The following NCL variants were observed in gnomAD, a reference collection of about 807,000 sequenced individuals.
NCL encodes nucleolin multifunctional protein.
Under a neutral mutation model 77.7 loss-of-function variants are expected in NCL, and 4 were observed. The ratio of observed to expected loss-of-function variants is 0.05; its 90% CI spans 0.03 to 0.12. The LOEUF is 0.12. NCL is among the 10% of genes least tolerant of loss of function. The probability of loss-of-function intolerance (pLI) is 1.00; values close to 1 mark genes in which losing one functional copy is unlikely to be tolerated. For missense variants in NCL, 763 were observed against 860.9 expected (o/e 0.89, Z 1.42); for synonymous variants, 344 against 297.8 (o/e 1.16, Z -1.60).
intron 2 of NCL, 46 bp downstream of exon 2, chr2:231,463,154 A>G (rs751607891): frequency 2.8e-5 from 38 of 1,376,052 alleles, no homozygotes; most frequent in Non-Finnish European, 3.9e-5. Context: ...TTAACTCTCC[A>G]TTTTGTAGTT....
chr2:231,457,672 T>C lies in NCL; in HGVS notation c.1418A>G (p.Tyr473Cys), dbSNP rs1200659784. The change falls in exon 9 of 14, where the codon TAT (tyrosine) becomes TGT (cysteine). Residue 473 changes from tyrosine (Y) to cysteine (C), a missense_variant. Coordinates refer to ENST00000322723, the MANE Select transcript of NCL (RefSeq NM_005381.3). ...YTGEKGQNQD[Y>C]RGGKNSTWSG... is the part of the protein sequence containing the mutation. ...CCAAGTGCTATTCTTTCCACCTCTA[T>C]AGTCTTGATTTTGACCTTTCTCTCC... 1.9e-6 allele frequency: 3 copies of C among 1,610,838 alleles called. No homozygotes were observed. Among genetic ancestry groups the C allele is most frequent in the Non-Finnish European group, 2.5e-6 (3 of 1,178,204 alleles).
intron 10 of NCL, 30 bp downstream of exon 10, chr2:231,456,971 A>G (rs747982139): frequency 3.7e-6 from 6 of 1,612,432 alleles, no homozygotes; most frequent in South Asian, 1.1e-5. Context: ...TATATAGCCT[A>G]TAACTGATGA....
chr2:231,460,077 A>G, intron 6 of NCL, 75 bp downstream of exon 6: 22 of 1,461,204 alleles, frequency 1.5e-5, no homozygotes, highest in East Asian at 2.3e-5. Context: ...GTAGCAGGCT[A>G]AAGTAACTGT....
intron 7 of NCL, 187 bp downstream of exon 7, chr2:231,458,814 C>T (rs546357414): frequency 5.0e-6 from 3 of 596,612 alleles, no homozygotes; most frequent in East Asian, 6.9e-5. Context: ...TACACTATAA[C>T]ACTGACAAGC....
intron 3 of NCL, 48 bp from the exon 4 acceptor site, chr2:231,460,914 A>C: frequency 6.5e-6 from 9 of 1,390,246 alleles, no homozygotes; most frequent in South Asian, 2.3e-5. Flanking sequence ...CAAAACCAAC[A>C]TCGGTTTTCA....
chr2:231,458,451 CAA>C (rs1207627556), intron 7 of NCL, 62 bp from the exon 8 acceptor site: 56 of 1,572,368 alleles, frequency 3.6e-5, no homozygotes, highest in Middle Eastern at 3.4e-4. Flanking sequence ...GGGGCAACAA[CAA>C]AAAGAGGGGA....
rs781232208 is a variant in NCL, at chr2:231,458,323, T to C, written c.1232A>G (p.Glu411Gly). The C allele has an allele frequency of 1.2e-6, 2 of 1,614,120 alleles. No individual in the cohort carries two copies. Among genetic ancestry groups the C allele is most frequent in the Non-Finnish European group, 8.5e-7 (1 of 1,179,980 alleles). Residue 411 changes from glutamate (E) to glycine (G), a missense_variant, in exon 8 of 14, where the codon GAA (glutamate) becomes GGA (glycine). Transcript: ENST00000322723. ...GATCTCCGCAGCATCTTCAAACACT[T>C]CTTTCAATTCATCCTGAGTGACTTT... ...PYKVTQDELK[E>G]VFEDAAEIRL...
chr2:231,456,982 T>A lies in NCL; in HGVS notation c.1571+19A>T. The stretch of plus-strand genomic sequence containing the variant: ...GACATATATAGCCTATAACTGATGA[T>A]ACAAAGGTATTATCTTACCCTTTAG... On this transcript the variant is annotated intron_variant, in intron 10 of 13. Transcript: ENST00000322723. 6.2e-7 allele frequency: 1 copy of A among 1,613,446 alleles called. No individual in the cohort carries two copies.
chr2:231,460,527 T>C lies in NCL; in HGVS notation c.849A>G (p.Glu283=). 6.2e-7 allele frequency: 1 copy of C among 1,614,232 alleles called. No individual in the cohort carries two copies. Among genetic ancestry groups the C allele is most frequent in the Admixed American group, 1.7e-5 (1 of 60,020 alleles). The change falls in exon 5 of 14, where the codon GAA becomes GAG. Residue 283 remains glutamate, a synonymous_variant. Transcript: ENST00000322723. The part of the protein sequence containing the change: ...VKEAPGKRKK[E]MAKQKAAPEA... ...CAGGAGCTGCTTTCTGTTTGGCCAT[T>C]TCCTTCTTTCGTTTTCCAGGTGCTT... is the stretch of plus-strand genomic sequence containing the variant.
chr2:231,460,691 CTCCTCATCA>C lies in NCL; in HGVS notation c.780_788del (p.Asp260_Glu262del), dbSNP rs2046939511. On this transcript the variant is annotated inframe_deletion, in exon 4 of 14. Transcript: ENST00000322723. Reference sequence around the variant, plus strand: ...TACCTTCCTCCTCCTCTTCTTCCTCCTCCTCATCATCTTCATCATCATCATCTTCATCAT... The same window carrying C: ...TACCTTCCTCCTCCTCTTCTTCCTCCTCTTCATCATCATCATCTTCATCAT... 1 of 1,611,918 alleles carries C rather than the reference CTCCTCATCA, an allele frequency of 6.2e-7. No homozygotes were observed. The highest frequency in any genetic ancestry group is 8.5e-7 in the Non-Finnish European group (1 of 1,178,762).
chr2:231,457,826 G>A (rs1255035356), intron 8 of NCL, 26 bp from the exon 9 acceptor site: 1 of 1,573,588 alleles, frequency 6.4e-7, no homozygotes, highest in Non-Finnish European at 8.6e-7. Context: ...AAGAACTCAT[G>A]GTTTTTAAAA....
chr2:231,458,416 C>T, intron 7 of NCL, 27 bp from the exon 8 acceptor site: 1 of 1,606,218 alleles, frequency 6.2e-7, no homozygotes, highest in Non-Finnish European at 8.5e-7. Flanking sequence ...AAAATGAGCT[C>T]TGTGGCCTGA....
rs922229869 is a variant in NCL at position 231,462,687 on chromosome 2, C to T, written c.135+513G>A. 5 of 413,316 alleles carry T rather than the reference C, an allele frequency of 1.2e-5. No individual in the cohort carries two copies. In the East Asian group the frequency reaches 2.8e-4, roughly 23 times the overall value. The allele number at this position is 413,316 out of a possible 1,614,324, so 25.6% of individuals were successfully genotyped here. On this transcript the variant is annotated intron_variant, in intron 2 of 13. Coordinates refer to ENST00000322723, the MANE Select transcript of NCL (RefSeq NM_005381.3). Reference sequence around the variant, plus strand: ...AGTGCTCAGCTGTCTTTATAGTGAGCAAATAAAAGGCCAGGAGTGCTAAAG... The same window carrying T: ...AGTGCTCAGCTGTCTTTATAGTGAGTAAATAAAAGGCCAGGAGTGCTAAAG...
chr2:231,460,325 G>C, intron 5 of NCL, 32 bp from the exon 6 acceptor site: 1 of 1,614,090 alleles, frequency 6.2e-7, no homozygotes, highest in Non-Finnish European at 8.5e-7. Flanking sequence ...CAGTCTACTT[G>C]TAGTGTGGTA....
At position 231,464,428 on chromosome 2, in the gene NCL, G is replaced by C; in HGVS notation, c.-75C>G. 1 of 1,554,096 alleles carries C rather than the reference G, an allele frequency of 6.4e-7. No homozygotes were observed. The highest frequency in any genetic ancestry group is 1.2e-5 in the South Asian group (1 of 85,280). On this transcript the variant is annotated 5_prime_UTR_variant, in exon 1 of 14. Coordinates refer to ENST00000322723, the MANE Select transcript of NCL (RefSeq NM_005381.3). ...AAGCCAAGCGACGGCGATGGCGGCC[G>C]CGGGTGCTGAAGATCCCGGAGCACG...
chr2:231,462,620 A>C lies in NCL; in HGVS notation c.135+580T>G, dbSNP rs368068826. 177 of 497,290 alleles carry C rather than the reference A, an allele frequency of 3.6e-4. 1 individual carries two copies. Among genetic ancestry groups the C allele is most frequent in the African/African-American group, 3.0e-3 (157 of 51,774 alleles). The allele number at this position is 497,290 out of a possible 1,614,324, so 30.8% of individuals were successfully genotyped here. A position where few individuals can be genotyped will look rare whatever the true frequency, so the allele number is the denominator to read the frequency against. On this transcript the variant is annotated intron_variant, in intron 2 of 13. Transcript: ENST00000322723. ...TTATCAGGCAATGTGTGGAAGAGTA[A>C]AACTTTCATTCAGTTCTCAACGAGA...
intron 2 of NCL, chr2:231,462,496 G>T (rs1390056677): frequency 4.1e-6 from 2 of 491,954 alleles, no homozygotes; most frequent in Admixed American, 2.1e-5. Context: ...AAATGAATAG[G>T]CTAAATATAA....
At position 231,457,901 on chromosome 2, in the gene NCL, A is replaced by G. The variant is rs370301154; in HGVS notation, c.1290-101T>C. 2.9e-4 allele frequency: 315 copies of G among 1,092,928 alleles called. 6 individuals are homozygous for G. The East Asian group carries it at 5.2e-3, about 18-fold the overall frequency. The allele number at this position is 1,092,928 out of a possible 1,614,324, so 67.7% of individuals were successfully genotyped here. Reference sequence around the variant, plus strand: ...CTTGCTTCAGATCTGAGTACAATAAATGCCCTTAGTTTTATGCCACTTTTC... The same window carrying G: ...CTTGCTTCAGATCTGAGTACAATAAGTGCCCTTAGTTTTATGCCACTTTTC... On this transcript the variant is annotated intron_variant, in intron 8 of 13. Transcript: ENST00000322723.
At position 231,456,845 on chromosome 2, in the gene NCL, C is replaced by T. The variant is rs1357333381; in HGVS notation, c.1572-81G>A. 3 of 1,578,940 alleles carry T rather than the reference C, an allele frequency of 1.9e-6. No homozygotes were observed. In the African/African-American group the frequency reaches 4.1e-5, roughly 21 times the overall value. On this transcript the variant is annotated intron_variant, in intron 10 of 13. Transcript: ENST00000322723. ...GTCACATGATGCTGCCAAGCCCCTTCTCTCAAGTTGGTACCTAAATGATGA... is the reference window on the plus strand; with the variant it reads ...GTCACATGATGCTGCCAAGCCCCTTTTCTCAAGTTGGTACCTAAATGATGA...
Sources: gnomAD v4.1 joint callset for allele counts on GRCh38, gnomAD v4.1.1 for gene constraint, MANE v1.5 for transcripts, NCBI Gene and HGNC (gene_info 2026-07-23, HGNC 2026-07-21) for gene names.